UBE3C: variants seen among roughly 807,000 people sequenced by gnomAD.
UBE3C encodes ubiquitin protein ligase E3C.
UBE3C carries 42 observed loss-of-function variants against 129.4 expected under a neutral mutation model. That is an observed-to-expected ratio of 0.32 (90% confidence interval 0.25 to 0.42). The LOEUF (loss-of-function observed/expected upper bound fraction) is 0.42, where lower values mean the gene tolerates loss of function less well. UBE3C is among the 10% of genes least tolerant of loss of function. The pLI, the probability that UBE3C is intolerant of heterozygous loss-of-function variation, is 1.00. For synonymous variants in UBE3C, 510 were observed against 492.4 expected (o/e 1.04, Z -0.47); for missense variants, 1,049 against 1,319.1 (o/e 0.80, Z 3.17).
chr7:157,264,516 TAC>T (rs139639074), intron 22 of UBE3C, among the ~76,000 whole-genome samples: 25,106 of 119,992 alleles, frequency 0.21, 2,272 homozygotes, highest in East Asian at 0.39. Context: ...CTCGGCCTGT[TAC>T]ACACACACAC....
chr7:157,162,157 T>C (rs1808088037), intron 1 of UBE3C, among the ~76,000 whole-genome samples: 1 of 152,194 alleles, frequency 6.6e-6, no homozygotes, highest in Non-Finnish European at 1.5e-5. Context: ...AACTACTCTC[T>C]GACACTGTTC....
intron 1 of UBE3C, among the ~76,000 whole-genome samples, chr7:157,140,394 T>C (rs1413336349): frequency 2.0e-5 from 3 of 152,166 alleles, no homozygotes; most frequent in Non-Finnish European, 4.4e-5. Flanking sequence ...GAGAGAAGTG[T>C]GCTGATAATT....
At chr7:157,216,499 C>G (rs999680666) in intron 13 of UBE3C, among the ~76,000 whole-genome samples, 6 of 152,030 alleles carry the variant, frequency 3.9e-5, no homozygotes, top group Non-Finnish European at 8.8e-5. Context: ...TGCCCTCTCC[C>G]TCCTCCCACC....
rs1796489295 is a variant in UBE3C, at chr7:157,246,858, T to A, written c.2482-1510T>A. ...CTCTGTTTGACCTGGGAAAATAGGA[T>A]CACTGTAAATACACATCTCTCTGAA... On this transcript the variant is annotated intron_variant, in intron 18 of 22. Coordinates refer to ENST00000348165, the MANE Select transcript of UBE3C (RefSeq NM_014671.3). 3.3e-5 allele frequency among the ~76,000 whole-genome samples: 5 copies of A among 152,252 alleles called. No individual in the cohort carries two copies. In the South Asian group the frequency reaches 1.0e-3, roughly 32 times the overall value.
intron 18 of UBE3C, among the ~76,000 whole-genome samples, chr7:157,246,092 TCAA>T (rs1055237590): frequency 6.6e-6 from 1 of 151,224 alleles, no homozygotes; most frequent in African/African-American, 2.4e-5. Flanking sequence ...TGGGAAAACC[TCAA>T]CAGCTATTTT....
chr7:157,182,905 C>T (rs1007286409), intron 8 of UBE3C, among the ~76,000 whole-genome samples: 1 of 152,074 alleles, frequency 6.6e-6, no homozygotes, highest in Non-Finnish European at 1.5e-5. Context: ...CACGCCACCA[C>T]ACCCAGCTAA....
chr7:157,258,409 A>G (rs775508364), intron 22 of UBE3C, among the ~76,000 whole-genome samples: 4 of 152,072 alleles, frequency 2.6e-5, no homozygotes, highest in Non-Finnish European at 4.4e-5. Flanking sequence ...AGGGGGAAAA[A>G]GTAATGTTAA....
At chr7:157,218,236 A>G (rs1386464980) in intron 14 of UBE3C, among the ~76,000 whole-genome samples, 1 of 152,096 alleles carries the variant, frequency 6.6e-6, no homozygotes, top group Non-Finnish European at 1.5e-5. Context: ...GCCTGAGCTT[A>G]GGAGTTTGCG....
chr7:157,159,881 T>G (rs1808022197), intron 1 of UBE3C, among the ~76,000 whole-genome samples: 2 of 152,180 alleles, frequency 1.3e-5, no homozygotes, highest in South Asian at 2.1e-4. Context: ...TCAGAATTCT[T>G]TGGTTAATAT....
chr7:157,220,786 CT>C lies in UBE3C; in HGVS notation c.2002+11del. ...CAGTCCACCCTGGACGGTGAGTTCT[CT>C]AGGACACAGGGTTACTGAGGTATGA... On this transcript the variant is annotated intron_variant, in intron 15 of 22. Transcript: ENST00000348165. 2 of 1,613,922 alleles carry C rather than the reference CT, an allele frequency of 1.2e-6. No individual in the cohort carries two copies. Among genetic ancestry groups the C allele is most frequent in the Non-Finnish European group, 1.7e-6 (2 of 1,179,870 alleles).
intron 14 of UBE3C, among the ~76,000 whole-genome samples, chr7:157,219,222 C>T (rs1310782856): frequency 2.0e-5 from 3 of 152,202 alleles, no homozygotes; most frequent in Non-Finnish European, 2.9e-5. Flanking sequence ...ATAGCTGCAC[C>T]TCTTCCTTAC....
At chr7:157,185,175 G>T (rs1246303775) in intron 9 of UBE3C, among the ~76,000 whole-genome samples, 2 of 152,264 alleles carry the variant, frequency 1.3e-5, no homozygotes, top group Admixed American at 1.3e-4. Context: ...AGATGAGGCT[G>T]TGGGCTTTCT....
At chr7:157,238,647 A>G (rs1318979498) in intron 18 of UBE3C, among the ~76,000 whole-genome samples, 2 of 152,072 alleles carry the variant, frequency 1.3e-5, no homozygotes, top group Non-Finnish European at 2.9e-5. Context: ...AGTTGAGGAT[A>G]GGGGCCTCAA....
intron 14 of UBE3C, 55 bp from the exon 15 acceptor site, chr7:157,220,634 G>A: frequency 1.9e-6 from 3 of 1,606,540 alleles, no homozygotes; most frequent in Non-Finnish European, 2.6e-6. Context: ...GTGTGATCAG[G>A]TCAAAGTGTG....
At chr7:157,251,159 A>G (rs142141208) in intron 19 of UBE3C, among the ~76,000 whole-genome samples, 24 of 152,264 alleles carry the variant, frequency 1.6e-4, no homozygotes, top group African/African-American at 4.6e-4. Context: ...CTGTAGAAAT[A>G]AATAGGTAGT....
chr7:157,248,606 A>C (rs370380478), intron 19 of UBE3C, 26 bp downstream of exon 19: 24 of 1,607,710 alleles, frequency 1.5e-5, no homozygotes, highest in Admixed American at 6.7e-5. Flanking sequence ...GAGGATTCAC[A>C]TACCTGTATA....
At chr7:157,141,403 A>T (rs145263012) in intron 1 of UBE3C, among the ~76,000 whole-genome samples, 155 of 152,300 alleles carry the variant, frequency 1.0e-3, no homozygotes, top group Non-Finnish European at 1.7e-3. Context: ...TCACTAGTCC[A>T]GTTGGTTGTT....
chr7:157,266,226 A>G (rs1015484571), intron 22 of UBE3C, among the ~76,000 whole-genome samples: 1 of 152,174 alleles, frequency 6.6e-6, no homozygotes, highest in Non-Finnish European at 1.5e-5. Flanking sequence ...AGGCAGGAGA[A>G]TGGCGTGAAC....
At chr7:157,229,949 C>T (rs909573894) in intron 17 of UBE3C, among the ~76,000 whole-genome samples, 1 of 151,478 alleles carries the variant, frequency 6.6e-6, no homozygotes, top group Non-Finnish European at 1.5e-5. Context: ...GAGACTGTCA[C>T]GCAGGTTGGG....
Sources: gnomAD v4.1 joint callset for allele counts (sites outside exome capture counted in the v4.1 genomes callset) on GRCh38, gnomAD v4.1.1 for gene constraint, MANE v1.5 for transcripts, NCBI Gene and HGNC (gene_info 2026-07-23, HGNC 2026-07-21) for gene names.